Variants in SOX6 observed in about 807,000 individuals in gnomAD.
SOX6 encodes SRY-box transcription factor 6.
A neutral mutation model predicts 97.8 loss-of-function variants in SOX6; 11 were observed. The ratio of observed to expected loss-of-function variants is 0.11; its 90% CI spans 0.07 to 0.19. The LOEUF is 0.19. Ranked by LOEUF, SOX6 falls within the 10% of genes least tolerant of loss-of-function variation. The probability of loss-of-function intolerance (pLI) is 1.00; values close to 1 mark genes in which losing one functional copy is unlikely to be tolerated. For synonymous variants in SOX6, 360 were observed against 371.4 expected (o/e 0.97, Z 0.35); for missense variants, 810 against 1,039.5 (o/e 0.78, Z 3.04).
intron 1 of SOX6, among the ~76,000 whole-genome samples, chr11:16,344,747 C>T (rs548661153): frequency 8.6e-5 from 13 of 151,798 alleles, no homozygotes; most frequent in African/African-American, 2.2e-4. Context: ...TGGTCAATTT[C>T]GATGTGACTT....
chr11:16,180,817 T>C (rs1405194647), intron 6 of SOX6, among the ~76,000 whole-genome samples: 2 of 151,782 alleles, frequency 1.3e-5, no homozygotes, highest in Non-Finnish European at 3.0e-5. Context: ...TGTTAAAAAA[T>C]ATATTCAAGG....
chr11:16,193,365 C>T (rs1280922031), intron 4 of SOX6, among the ~76,000 whole-genome samples: 1 of 151,696 alleles, frequency 6.6e-6, no homozygotes, highest in Non-Finnish European at 1.5e-5. Flanking sequence ...GGGTGAGATC[C>T]TGTCTTTAAA....
intron 4 of SOX6, among the ~76,000 whole-genome samples, chr11:16,215,416 A>G (rs984400530): frequency 6.6e-6 from 1 of 152,222 alleles, no homozygotes; most frequent in African/African-American, 2.4e-5. Context: ...AGTTCTATTC[A>G]TGATTCATAA....
At chr11:16,399,392 C>G (rs958987995) in intron 1 of SOX6, among the ~76,000 whole-genome samples, 19 of 149,504 alleles carry the variant, frequency 1.3e-4, no homozygotes, top group Non-Finnish European at 2.1e-4. Flanking sequence ...CTGGGTCTCA[C>G]TCTATTGACC....
intron 4 of SOX6, among the ~76,000 whole-genome samples, chr11:16,223,716 A>G (rs1852608691): frequency 1.3e-5 from 2 of 152,104 alleles, no homozygotes; most frequent in Non-Finnish European, 2.9e-5. Context: ...AATTCCACAC[A>G]GGGCGATTAC....
At chr11:16,535,602 G>T in intron 4 of SOX6, among the ~76,000 whole-genome samples, 1 of 152,140 alleles carries the variant, frequency 6.6e-6, no homozygotes, top group East Asian at 1.9e-4. Flanking sequence ...ACCCTGGGAG[G>T]CAGAGGTTGT....
At chr11:16,485,890 T>C (rs2133128162) in intron 4 of SOX6, among the ~76,000 whole-genome samples, 1 of 123,514 alleles carries the variant, frequency 8.1e-6, no homozygotes, top group African/African-American at 3.2e-5. Flanking sequence ...TGAGATACTG[T>C]CTCAGAAAAG....
At chr11:16,692,203 T>C (rs1323135859) in intron 3 of SOX6, among the ~76,000 whole-genome samples, 1 of 152,020 alleles carries the variant, frequency 6.6e-6, no homozygotes, top group Admixed American at 6.6e-5. Flanking sequence ...CCCTAGTAGC[T>C]GGGACTATAG....
At chr11:16,185,654 G>T (rs1299196494) in intron 5 of SOX6, among the ~76,000 whole-genome samples, 1 of 152,142 alleles carries the variant, frequency 6.6e-6, no homozygotes, top group African/African-American at 2.4e-5. Flanking sequence ...ATTACAAAGT[G>T]TTCACTGTAA....
intron 1 of SOX6, among the ~76,000 whole-genome samples, chr11:16,455,303 T>C (rs999532797): frequency 3.9e-5 from 6 of 152,056 alleles, no homozygotes; most frequent in Non-Finnish European, 7.4e-5. Flanking sequence ...TTTAAAAGTA[T>C]AAACCTAACC....
chr11:16,604,557 C>G (rs1848311093), intron 4 of SOX6, among the ~76,000 whole-genome samples: 1 of 152,170 alleles, frequency 6.6e-6, no homozygotes, highest in Non-Finnish European at 1.5e-5. Flanking sequence ...CGGACGTCAT[C>G]CGAGCGCCCA....
intron 15 of SOX6, among the ~76,000 whole-genome samples, chr11:15,976,571 T>C (rs1469517199): frequency 6.6e-6 from 1 of 151,644 alleles, no homozygotes; most frequent in Non-Finnish European, 1.5e-5. Context: ...CTTTGGACTC[T>C]CCGTGAGTGC....
chr11:16,304,145 A>T (rs766431186), intron 3 of SOX6, among the ~76,000 whole-genome samples: 2 of 152,096 alleles, frequency 1.3e-5, no homozygotes, highest in Non-Finnish European at 2.9e-5. Flanking sequence ...CAAACTCCTG[A>T]TCTCAGATGA....
intron 4 of SOX6, among the ~76,000 whole-genome samples, chr11:16,526,422 G>C (rs1332727019): frequency 6.7e-6 from 1 of 150,302 alleles, no homozygotes; most frequent in Non-Finnish European, 1.5e-5. Flanking sequence ...TCATAGGTGG[G>C]AATTGAACAA....
intron 12 of SOX6, among the ~76,000 whole-genome samples, chr11:16,019,511 T>G (rs902671384): frequency 6.6e-6 from 1 of 152,120 alleles, no homozygotes; most frequent in African/African-American, 2.4e-5. Flanking sequence ...GCATTATAAT[T>G]ATGATACTCT....
At chr11:16,633,621 A>C (rs1744057493) in intron 3 of SOX6, among the ~76,000 whole-genome samples, 1 of 152,242 alleles carries the variant, frequency 6.6e-6, no homozygotes, top group Non-Finnish European at 1.5e-5. Flanking sequence ...GGAACAGCTA[A>C]AACTTCAATA....
At chr11:16,449,392 G>C (rs1224095805) in intron 1 of SOX6, among the ~76,000 whole-genome samples, 1 of 138,398 alleles carries the variant, frequency 7.2e-6, no homozygotes, top group Non-Finnish European at 1.5e-5. Context: ...TCCCGGGTTC[G>C]CGCCATTCTC....
chr11:16,469,165 T>A (rs970590169), intron 1 of SOX6, among the ~76,000 whole-genome samples: 1 of 152,062 alleles, frequency 6.6e-6, no homozygotes, highest in African/African-American at 2.4e-5. Context: ...TCTCAGTGGT[T>A]TAATAGTGCC....
chr11:16,067,206 G>A (rs1286867001), intron 9 of SOX6, among the ~76,000 whole-genome samples: 1 of 152,168 alleles, frequency 6.6e-6, no homozygotes, highest in African/African-American at 2.4e-5. Context: ...AGGCATGATT[G>A]TGTTTTGAAA....
Sources: gnomAD v4.1 joint callset for allele counts (sites outside exome capture counted in the v4.1 genomes callset) on GRCh38, gnomAD v4.1.1 for gene constraint, MANE v1.5 for transcripts, NCBI Gene and HGNC (gene_info 2026-07-23, HGNC 2026-07-21) for gene names.